Variants in RXFP2 observed in about 807,000 individuals in gnomAD.
RXFP2 encodes the protein relaxin receptor 2.
In RXFP2, 68 loss-of-function variants were observed where a neutral mutation model predicts 88.6. The observed-to-expected ratio is 0.77, with a 90% confidence interval of 0.63 to 0.94. The LOEUF is 0.94. Ranked by LOEUF, RXFP2 falls within the 40% of genes least tolerant of loss-of-function variation. The pLI, the probability that RXFP2 is intolerant of heterozygous loss-of-function variation, is 0.00. For synonymous variants in RXFP2, 329 were observed against 306.8 expected (o/e 1.07, Z -0.76); for missense variants, 791 against 893.9 (o/e 0.88, Z 1.47).
chr13:31,748,580 C>G (rs746643964), intron 1 of RXFP2, among the ~76,000 whole-genome samples: 8 of 152,146 alleles, frequency 5.3e-5, no homozygotes, highest in South Asian at 2.1e-4. Flanking sequence ...ATTTACCGTT[C>G]ATTTTTCTTT....
chr13:31,748,757 C>T (rs1000978728), intron 1 of RXFP2, among the ~76,000 whole-genome samples: 7 of 152,094 alleles, frequency 4.6e-5, no homozygotes, highest in African/African-American at 1.4e-4. Flanking sequence ...GAGGCCGAGG[C>T]GGGCAGATCA....
rs1278563394 is a variant in RXFP2 at position 31,761,873 on chromosome 13, G to A, written c.319+72G>A. ...GATTTGTGATGCACAGATTTATATG[G>A]GTAATGTGACAAATTCCCTTCAGAA... On this transcript the variant is annotated intron_variant, in intron 3 of 17. Transcript: ENST00000298386. 9 of 1,012,552 alleles carry A rather than the reference G, an allele frequency of 8.9e-6. No homozygotes were observed. In the East Asian group the frequency reaches 1.7e-4, roughly 19 times the overall value. 62.7% of individuals were successfully genotyped at this position (1,012,552 alleles called of 1,614,324 possible).
At chr13:31,785,734 T>A (rs1873505115) in intron 11 of RXFP2, among the ~76,000 whole-genome samples, 1 of 152,130 alleles carries the variant, frequency 6.6e-6, no homozygotes, top group South Asian at 2.1e-4. Context: ...AGAAATATAC[T>A]CTGGACTCTT....
intron 11 of RXFP2, among the ~76,000 whole-genome samples, chr13:31,784,955 C>A (rs1344234328): frequency 6.6e-6 from 1 of 152,202 alleles, no homozygotes; most frequent in African/African-American, 2.4e-5. Flanking sequence ...TGTTGCCTGT[C>A]TTTCATGCTT....
intron 16 of RXFP2, among the ~76,000 whole-genome samples, chr13:31,796,634 G>A (rs982337095): frequency 6.6e-6 from 1 of 152,078 alleles, no homozygotes; most frequent in East Asian, 1.9e-4. Flanking sequence ...CCTCATAAGG[G>A]TTTATGTATT....
chr13:31,745,897 C>T (rs150102916), intron 1 of RXFP2, among the ~76,000 whole-genome samples: 1 of 152,052 alleles, frequency 6.6e-6, no homozygotes, highest in African/African-American at 2.4e-5. Context: ...GATCTGGAGT[C>T]GTGAAGTAAA....
intron 15 of RXFP2, 59 bp downstream of exon 15, chr13:31,792,094 C>CAT (rs1873821450): frequency 2.5e-6 from 3 of 1,194,846 alleles, no homozygotes; most frequent in East Asian, 2.3e-5. Context: ...GTGCACTAGA[C>CAT]ATATATATGT....
chr13:31,789,778 C>T (rs1463170615), intron 14 of RXFP2, among the ~76,000 whole-genome samples: 1 of 152,122 alleles, frequency 6.6e-6, no homozygotes, highest in Non-Finnish European at 1.5e-5. Context: ...CCATTGTTAT[C>T]TACAAAAATA....
chr13:31,758,264 C>T lies in RXFP2; in HGVS notation c.101C>T (p.Ala34Val). The change falls in exon 2 of 18, where the codon GCA becomes GTA. Residue 34 changes from alanine to valine, a missense_variant. Coordinates refer to ENST00000298386, the MANE Select transcript of RXFP2 (RefSeq NM_130806.5). The part of the protein sequence containing the change: ...FIVLINVKDF[A>V]LTQGSMITPS... ...TGCCCCTTCTTTCATGTAGATTTTG[C>T]ACTGACTCAAGGTAGCATGATCACT... is the stretch of plus-strand genomic sequence containing the variant. 6.2e-7 allele frequency: 1 copy of T among 1,614,014 alleles called. No homozygotes were observed. Among genetic ancestry groups the T allele is most frequent in the Non-Finnish European group, 8.5e-7 (1 of 1,179,944 alleles).
chr13:31,744,148 A>G (rs1477348369), intron 1 of RXFP2, among the ~76,000 whole-genome samples: 1 of 152,132 alleles, frequency 6.6e-6, no homozygotes, highest in East Asian at 1.9e-4. Context: ...TTGCTAGAAT[A>G]CATGCCCAAA....
At chr13:31,776,136 T>TTCTTTCTTTC (rs1872957908) in intron 7 of RXFP2, among the ~76,000 whole-genome samples, 1 of 149,824 alleles carries the variant, frequency 6.7e-6, no homozygotes, top group Non-Finnish European at 1.5e-5. Context: ...CTTTCTTTCT[T>TTCTTTCTTTC]TCTTTCTCTT....
At chr13:31,789,418 G>A (rs769551442) in intron 14 of RXFP2, among the ~76,000 whole-genome samples, 13 of 152,116 alleles carry the variant, frequency 8.5e-5, no homozygotes, top group Non-Finnish European at 1.9e-4. Flanking sequence ...TTATCCAATT[G>A]AGGCCCAATA....
At chr13:31,776,378 C>G (rs1452080751) in intron 7 of RXFP2, among the ~76,000 whole-genome samples, 1 of 150,474 alleles carries the variant, frequency 6.6e-6, no homozygotes, top group Non-Finnish European at 1.5e-5. Context: ...ACCTCAGCCT[C>G]CTGAGTAGTT....
At position 31,758,344 on chromosome 13, in the gene RXFP2, C is replaced by T. The variant is rs774656237; in HGVS notation, c.181C>T (p.Arg61Ter). 10 of 1,614,058 alleles carry T rather than the reference C, an allele frequency of 6.2e-6. No individual in the cohort carries two copies. Among genetic ancestry groups the T allele is most frequent in the Non-Finnish European group, 8.5e-6 (10 of 1,179,996 alleles). ...TGGGAATCTTACCAAGTGCTTACCCCGAGCTTTTCACTGTGATGGCAAGGA... is the reference window on the plus strand; with the variant it reads ...TGGGAATCTTACCAAGTGCTTACCCTGAGCTTTTCACTGTGATGGCAAGGA... ...PCGNLTKCLP[R>*]AFHCDGKDDC... Residue 61 changes from arginine (R) to a stop codon, truncating the protein, a stop_gained, in exon 2 of 18, where the codon CGA becomes TGA. Coordinates refer to ENST00000298386, the MANE Select transcript of RXFP2 (RefSeq NM_130806.5). LOFTEE classifies it high-confidence loss of function.
chr13:31,787,371 A>G (rs760490330), intron 13 of RXFP2, among the ~76,000 whole-genome samples: 4 of 152,234 alleles, frequency 2.6e-5, no homozygotes, highest in Non-Finnish European at 5.9e-5. Flanking sequence ...CTTACCAGAT[A>G]TTAGTGAGCA....
chr13:31,772,849 G>T (rs577247453), intron 5 of RXFP2, among the ~76,000 whole-genome samples: 1 of 152,162 alleles, frequency 6.6e-6, no homozygotes, highest in African/African-American at 2.4e-5. Flanking sequence ...AGACAAAAGC[G>T]TAAGGTCAAA....
chr13:31,766,155 G>C (rs1181105679), intron 5 of RXFP2, 128 bp downstream of exon 5: 1 of 627,900 alleles, frequency 1.6e-6, no homozygotes, highest in African/African-American at 1.9e-5. Context: ...ATGTAATTAA[G>C]ATTAGAAAAT....
chr13:31,764,243 TCACACACACACACACACACACACACACA>T, intron 3 of RXFP2, among the ~76,000 whole-genome samples: 1 of 131,774 alleles, frequency 7.6e-6, no homozygotes, highest in East Asian at 2.2e-4. Flanking sequence ...TCTCTCTCTT[TCACACACACACACACACACACACACACA>T]CACACACACA....
At chr13:31,757,207 C>T (rs1268096856) in intron 1 of RXFP2, among the ~76,000 whole-genome samples, 1 of 152,180 alleles carries the variant, frequency 6.6e-6, no homozygotes, top group African/African-American at 2.4e-5. Context: ...GATTTATGCT[C>T]CTTGAAATGC....
Sources: gnomAD v4.1 joint callset for allele counts (sites outside exome capture counted in the v4.1 genomes callset) on GRCh38, gnomAD v4.1.1 for gene constraint, MANE v1.5 for transcripts, NCBI Gene and HGNC (gene_info 2026-07-23, HGNC 2026-07-21) for gene names.